The following FAM13A variants were observed in gnomAD, a reference collection of about 807,000 sequenced individuals.
FAM13A encodes the protein family with sequence similarity 13 member A, also known as protein FAM13A.
FAM13A carries 76 observed loss-of-function variants against 129.6 expected under a neutral mutation model. That is an observed-to-expected ratio of 0.59 (90% CI 0.49 to 0.71). FAM13A has a LOEUF of 0.71. Ranked by LOEUF, FAM13A falls within the 30% of genes least tolerant of loss-of-function variation. The probability of loss-of-function intolerance (pLI) is 0.00; values close to 1 mark genes in which losing one functional copy is unlikely to be tolerated. For missense variants in FAM13A, 1,108 were observed against 1,249.3 expected (o/e 0.89, Z 1.70); for synonymous variants, 443 against 449.9 (o/e 0.98, Z 0.20).
chr4:88,917,746 A>G (rs568350433), intron 5 of FAM13A, among the ~76,000 whole-genome samples: 13 of 152,268 alleles, frequency 8.5e-5, no homozygotes, highest in African/African-American at 3.1e-4. Flanking sequence ...TAGACAATTA[A>G]TATTTTTCCA....
At chr4:88,798,648 G>A (rs958559529) in intron 8 of FAM13A, among the ~76,000 whole-genome samples, 8 of 152,098 alleles carry the variant, frequency 5.3e-5, no homozygotes, top group East Asian at 1.9e-4. Flanking sequence ...CTCCGTCCAC[G>A]CCATAGATGA....
At chr4:88,739,171 CACAA>C in intron 19 of FAM13A, 46 bp from the exon 20 acceptor site, 7 of 1,303,394 alleles carry the variant, frequency 5.4e-6, no homozygotes, top group Non-Finnish European at 7.8e-6. Context: ...TGCTGGGAGT[CACAA>C]CCAGCTGTCT....
intron 5 of FAM13A, among the ~76,000 whole-genome samples, chr4:88,910,248 G>A (rs959061199): frequency 6.6e-6 from 1 of 152,078 alleles, no homozygotes; most frequent in African/African-American, 2.4e-5. Context: ...TGAACCAATT[G>A]CTTACTTTAA....
intron 3 of FAM13A, among the ~76,000 whole-genome samples, chr4:89,002,646 C>T (rs1287508542): frequency 1.3e-5 from 2 of 152,048 alleles, no homozygotes; most frequent in Non-Finnish European, 2.9e-5. Context: ...TGAAGTATGC[C>T]AAGAGACAAG....
intron 7 of FAM13A, among the ~76,000 whole-genome samples, chr4:88,834,912 C>A (rs1450104675): frequency 1.3e-5 from 2 of 152,096 alleles, no homozygotes; most frequent in African/African-American, 4.8e-5. Context: ...TTCCCCTTCA[C>A]CCTCCCTTTC....
intron 7 of FAM13A, among the ~76,000 whole-genome samples, chr4:88,840,089 A>G (rs377202645): frequency 8.5e-5 from 13 of 152,360 alleles, no homozygotes; most frequent in African/African-American, 2.9e-4. Flanking sequence ...AGAGACTAAG[A>G]AAAGATATCC....
At chr4:89,008,014 T>C (rs1258912122) in intron 3 of FAM13A, among the ~76,000 whole-genome samples, 1 of 152,082 alleles carries the variant, frequency 6.6e-6, no homozygotes, top group Non-Finnish European at 1.5e-5. Flanking sequence ...CAGCATTTCA[T>C]TTATTTTAAA....
intron 5 of FAM13A, chr4:88,936,987 A>G (rs938580862): frequency 2.6e-5 from 4 of 152,182 alleles, no homozygotes; most frequent in Non-Finnish European, 5.9e-5. Flanking sequence ...TTAAAAAATC[A>G]TTTAACTTTT....
rs563426054 is a variant in FAM13A, at chr4:88,996,495, C to T, written c.428-5345G>A. 2.0e-4 allele frequency among the ~76,000 whole-genome samples: 31 copies of T among 152,300 alleles called. No homozygotes were observed. The South Asian group carries it at 6.4e-3, about 32-fold the overall frequency. On this transcript the variant is annotated intron_variant, in intron 3 of 23. Coordinates refer to ENST00000264344, the MANE Select transcript of FAM13A (RefSeq NM_014883.4). Reference sequence around the variant, plus strand: ...AAGTTGTTTTATTCATTTAATCATTCCGAAAACATTTATTGAGTGACTACT... The same window carrying T: ...AAGTTGTTTTATTCATTTAATCATTTCGAAAACATTTATTGAGTGACTACT...
At chr4:88,953,449 T>C (rs180689023) in intron 4 of FAM13A, among the ~76,000 whole-genome samples, 173 of 152,224 alleles carry the variant, frequency 1.1e-3, no homozygotes, top group Non-Finnish European at 2.1e-3. Flanking sequence ...AGCGAGACTC[T>C]ATCTCAAAAA....
chr4:88,944,003 T>G (rs1245159867), intron 4 of FAM13A, among the ~76,000 whole-genome samples: 1 of 152,206 alleles, frequency 6.6e-6, no homozygotes, highest in African/African-American at 2.4e-5. Flanking sequence ...ACCTGACACC[T>G]CTGAAATTCA....
intron 21 of FAM13A, among the ~76,000 whole-genome samples, chr4:88,736,189 G>T (rs1462053444): frequency 1.3e-5 from 2 of 151,992 alleles, no homozygotes; most frequent in Admixed American, 1.3e-4. Flanking sequence ...TAGTATACTG[G>T]CCCAAATTTC....
In FAM13A at chr4:88,809,674, A is replaced by AT. The variant is rs1729257617; in HGVS notation, c.1008-4623dup. On this transcript the variant is annotated intron_variant, in intron 7 of 23. Transcript: ENST00000264344. Reference sequence around the variant, plus strand: ...AGAGAATGATAAGTGAAGTTAGCACATTTTCCTTTCCTTCCTTGTTCTCAA... The same window carrying AT: ...AGAGAATGATAAGTGAAGTTAGCACATTTTTCCTTTCCTTCCTTGTTCTCAA... 4.6e-5 allele frequency among the ~76,000 whole-genome samples: 7 copies of AT among 152,136 alleles called. No individual in the cohort carries two copies. In the South Asian group the frequency reaches 1.5e-3, roughly 32 times the overall value.
intron 6 of FAM13A, among the ~76,000 whole-genome samples, chr4:88,857,023 C>T (rs1012986523): frequency 1.3e-5 from 2 of 152,188 alleles, no homozygotes; most frequent in Non-Finnish European, 2.9e-5. Context: ...CTGCTACTCT[C>T]CTCATAGATA....
In FAM13A at chr4:88,944,028, T is replaced by C. The variant is rs116421188; in HGVS notation, c.606-5787A>G. ...TCTGAAATTCAAAAACTATACTATG[T>C]TTTATTTTTACAGCACTATGATTAT... On this transcript the variant is annotated intron_variant, in intron 4 of 23. Coordinates refer to ENST00000264344, the MANE Select transcript of FAM13A (RefSeq NM_014883.4). 2.6e-3 allele frequency among the ~76,000 whole-genome samples: 401 copies of C among 152,312 alleles called. 3 individuals are homozygous for C. Among genetic ancestry groups the C allele is most frequent in the African/African-American group, 8.8e-3 (367 of 41,568 alleles).
intron 14 of FAM13A, among the ~76,000 whole-genome samples, chr4:88,756,613 T>C (rs1333884788): frequency 1.3e-5 from 2 of 152,190 alleles, no homozygotes; most frequent in Admixed American, 6.5e-5. Context: ...ATTATGACTT[T>C]CGTTTACATA....
chr4:88,732,754 C>G (rs1409171110), intron 21 of FAM13A, among the ~76,000 whole-genome samples: 1 of 151,134 alleles, frequency 6.6e-6, no homozygotes. Context: ...TTTAAGAAGA[C>G]TGAAAGATAT....
At chr4:88,931,108 T>C (rs947406005) in intron 5 of FAM13A, among the ~76,000 whole-genome samples, 1 of 151,994 alleles carries the variant, frequency 6.6e-6, no homozygotes, top group Non-Finnish European at 1.5e-5. Flanking sequence ...CACATCTCAG[T>C]CTCAACAGCA....
chr4:89,029,130 T>C (rs1336229890), intron 2 of FAM13A, among the ~76,000 whole-genome samples: 1 of 152,204 alleles, frequency 6.6e-6, no homozygotes, highest in Non-Finnish European at 1.5e-5. Flanking sequence ...TTAAAAATTA[T>C]TGACTATCAG....
Sources: gnomAD v4.1 joint callset for allele counts (sites outside exome capture counted in the v4.1 genomes callset) on GRCh38, gnomAD v4.1.1 for gene constraint, MANE v1.5 for transcripts, NCBI Gene and HGNC (gene_info 2026-07-23, HGNC 2026-07-21) for gene names.